The following DIP2A variants were observed in gnomAD, a reference collection of about 807,000 sequenced individuals.
DIP2A encodes DIP2 acetate--CoA ligase A.
In DIP2A, 85 loss-of-function variants were observed where a neutral mutation model predicts 177.4. The observed-to-expected ratio is 0.48, with a 90% CI of 0.40 to 0.57. DIP2A has a LOEUF of 0.57. Among genes scored for constraint, DIP2A ranks in the 20% least tolerant of loss-of-function variants. DIP2A has a pLI of 0.00. For synonymous variants in DIP2A, 886 were observed against 881.8 expected, an observed-to-expected ratio of 1.00 and a Z score of -0.08; for missense variants, 1,791 against 2,100.2, an observed-to-expected ratio of 0.85 and a Z score of 2.88.
At chr21:46,530,668 C>G (rs757036170) in intron 9 of DIP2A, among the ~76,000 whole-genome samples, 1 of 152,166 alleles carries the variant, frequency 6.6e-6, no homozygotes, top group East Asian at 1.9e-4. Context: ...GAAAGGAGAA[C>G]AGAAAGTAGA....
chr21:46,484,833 G>A lies in DIP2A; in HGVS notation c.163+5G>A, dbSNP rs1171260583. On this transcript the variant is annotated splice_donor_5th_base_variant and intron_variant, in intron 2 of 37. Coordinates refer to ENST00000417564, the MANE Select transcript of DIP2A (RefSeq NM_015151.4). ...GTTATATACCGCTTATTCAAGGTAA[G>A]GTCAATACACTCAGGTGTTACATAG... The A allele has an allele frequency of 2.5e-6, 4 of 1,570,486 alleles. No homozygotes were observed. Among genetic ancestry groups the A allele is most frequent in the Non-Finnish European group, 3.4e-6 (4 of 1,159,482 alleles).
intron 1 of DIP2A, among the ~76,000 whole-genome samples, chr21:46,461,526 A>T (rs1006791506): frequency 2.0e-5 from 3 of 152,004 alleles, no homozygotes; most frequent in Non-Finnish European, 4.4e-5. Context: ...TTTGTGTTGT[A>T]GTTGTGTTTG....
At chr21:46,545,767 C>T (rs1403287658) in intron 19 of DIP2A, 114 bp from the exon 20 acceptor site, 2 of 1,244,254 alleles carry the variant, frequency 1.6e-6, no homozygotes, top group African/African-American at 3.0e-5. Flanking sequence ...CCTCCTTTTT[C>T]CCCCTGGCCA....
the DIP2A span, among the ~76,000 whole-genome samples, chr21:46,581,751 C>T: frequency 6.6e-6 from 1 of 152,184 alleles, no homozygotes; most frequent in African/African-American, 2.4e-5. Context: ...ACCTGGATCC[C>T]TCCTGCACCT....
chr21:46,574,897 A>T (rs2060982881), downstream of DIP2A, among the ~76,000 whole-genome samples: 1 of 152,146 alleles, frequency 6.6e-6, no homozygotes, highest in Non-Finnish European at 1.5e-5. Context: ...ACTTTTTCAG[A>T]AAGTTGAGGG....
intron 13 of DIP2A, among the ~76,000 whole-genome samples, chr21:46,535,831 A>G (rs553221142): frequency 6.6e-6 from 1 of 152,218 alleles, no homozygotes; most frequent in East Asian, 1.9e-4. Flanking sequence ...AGTCCCAGCT[A>G]CTCGGGAAGC....
intron 32 of DIP2A, among the ~76,000 whole-genome samples, chr21:46,559,814 G>C (rs1463037803): frequency 6.6e-6 from 1 of 152,202 alleles, no homozygotes; most frequent in Non-Finnish European, 1.5e-5. Context: ...TCACTCTGCT[G>C]CCTCCTTGGC....
At chr21:46,550,070 T>TATACAA in intron 22 of DIP2A, 185 bp downstream of exon 22, 1 of 1,386,200 alleles carries the variant, frequency 7.2e-7, no homozygotes, top group Admixed American at 3.0e-5. Context: ...CAAAGTGATG[T>TATACAA]TATAATTTAT....
At chr21:46,562,118 C>T (rs1392860942) in intron 34 of DIP2A, among the ~76,000 whole-genome samples, 3 of 152,310 alleles carry the variant, frequency 2.0e-5, no homozygotes, top group African/African-American at 2.4e-5. Flanking sequence ...AGGGGGGTTC[C>T]GGCCCACCCA....
intron 8 of DIP2A, among the ~76,000 whole-genome samples, chr21:46,524,770 G>A (rs926709343): frequency 6.6e-6 from 1 of 151,762 alleles, no homozygotes; most frequent in African/African-American, 2.4e-5. Flanking sequence ...AATACCTTGC[G>A]AGAGTTCTCT....
intron 36 of DIP2A, 47 bp from the exon 37 acceptor site, chr21:46,566,513 T>C (rs1256366222): frequency 1.2e-6 from 2 of 1,612,856 alleles, no homozygotes; most frequent in Non-Finnish European, 1.7e-6. Flanking sequence ...GTCCAGACTC[T>C]GCATGCCTTG....
rs142812951 is a variant in DIP2A, at chr21:46,485,740, C to G, written c.163+912C>G. Among the ~76,000 whole-genome samples the G allele has an allele frequency of 6.0e-3, 911 of 152,020 alleles. 6 individuals carry two copies. The highest frequency in any genetic ancestry group is 0.02 in the Middle Eastern group (6 of 294). ...ATCATAAAGAGATTGCAAAGACAAACTACAGAGTGTGAGAAGATAGTTGTA... is the reference window on the plus strand; with the variant it reads ...ATCATAAAGAGATTGCAAAGACAAAGTACAGAGTGTGAGAAGATAGTTGTA... On this transcript the variant is annotated intron_variant, in intron 2 of 37. Transcript: ENST00000417564.
chr21:46,561,763 A>G lies in DIP2A; in HGVS notation c.4047A>G (p.Glu1349=), dbSNP rs781491203. 6.2e-7 allele frequency: 1 copy of G among 1,613,976 alleles called. No individual in the cohort carries two copies. The highest frequency in any genetic ancestry group is 1.1e-5 in the South Asian group (1 of 91,088). The change falls in exon 34 of 38, where the codon GAA becomes GAG. Residue 1349 remains glutamate (E), a synonymous_variant. Coordinates refer to ENST00000417564, the MANE Select transcript of DIP2A (RefSeq NM_015151.4). ...ALRHDRVRLV[E]RGSPHSLPLM... ...TAATTTTTAGGGTTCGTTTGGTAGAACGGGGTTCTCCGCACAGCCTGCCAT... is the reference window on the plus strand; with the variant it reads ...TAATTTTTAGGGTTCGTTTGGTAGAGCGGGGTTCTCCGCACAGCCTGCCAT...
At chr21:46,495,540 T>C (rs2057310381) in intron 3 of DIP2A, among the ~76,000 whole-genome samples, 1 of 152,076 alleles carries the variant, frequency 6.6e-6, no homozygotes, top group African/African-American at 2.4e-5. Context: ...AGTGCTGGGA[T>C]TACAGGCATG....
At position 46,498,109 on chromosome 21, in the gene DIP2A, A is replaced by T. The variant is rs1458956052; in HGVS notation, c.404-473A>T. Among the ~76,000 whole-genome samples, 2 of 152,182 alleles carry T rather than the reference A, an allele frequency of 1.3e-5. No individual in the cohort carries two copies. Among genetic ancestry groups the T allele is most frequent in the Non-Finnish European group, 2.9e-5 (2 of 68,030 alleles). ...GGGCTGCGGTTCTCCCATGGCCACC[A>T]TGTTGTTGCTGGGGCCATGCACAGG... is the stretch of plus-strand genomic sequence containing the variant. On this transcript the variant is annotated intron_variant, in intron 4 of 37. Coordinates refer to ENST00000417564, the MANE Select transcript of DIP2A (RefSeq NM_015151.4). This position sits in a 1 kb window ranked among gnomAD's most constrained non-coding sequence, Gnocchi z 4.3.
At chr21:46,540,072 G>C in intron 17 of DIP2A, 81 bp downstream of exon 17, 1 of 1,225,224 alleles carries the variant, frequency 8.2e-7, no homozygotes, top group South Asian at 1.3e-5. Context: ...AGCTGTGCCT[G>C]TGCCTGTTAG....
rs1234896354 is a variant in DIP2A at position 46,490,611 on chromosome 21, T to G, written c.175T>G (p.Ser59Ala). 6.4e-7 allele frequency: 1 copy of G among 1,568,742 alleles called. No individual in the cohort carries two copies. The highest frequency in any genetic ancestry group is 8.6e-7 in the Non-Finnish European group (1 of 1,156,706). ...AAATTGTGTTTCAGGAATAGACCCATCTCTGCAAGCAGAGAATAGAATTCC... is the reference window on the plus strand; with the variant it reads ...AAATTGTGTTTCAGGAATAGACCCAGCTCTGCAAGCAGAGAATAGAATTCC... ...YIPLIQGIDP[S>A]LQAENRIPGP... The change falls in exon 3 of 38, where the codon TCT (serine) becomes GCT (alanine). Residue 59 changes from serine to alanine, a missense_variant. Ser to Ala is a moderately conservative substitution (Grantham distance 99). Coordinates refer to ENST00000417564, the MANE Select transcript of DIP2A (RefSeq NM_015151.4).
In DIP2A at chr21:46,509,388, C is replaced by G. The variant is rs748034990; in HGVS notation, c.904+12C>G. The G allele has an allele frequency of 6.3e-7, 1 of 1,599,350 alleles. No homozygotes were observed. ...GGAATTGTTGGAAGGTAAGAGTTGT[C>G]CAACTTTGAGCTTTTCTGTTTGTAT... On this transcript the variant is annotated intron_variant, in intron 7 of 37. Coordinates refer to ENST00000417564, the MANE Select transcript of DIP2A (RefSeq NM_015151.4).
At chr21:46,461,487 C>T (rs1322581379) in intron 1 of DIP2A, among the ~76,000 whole-genome samples, 1 of 152,052 alleles carries the variant, frequency 6.6e-6, no homozygotes, top group Non-Finnish European at 1.5e-5. Context: ...CTAATTTCTG[C>T]TCCAATGTAT....
Sources: gnomAD v4.1 joint callset for allele counts (sites outside exome capture counted in the v4.1 genomes callset) on GRCh38, gnomAD v4.1.1 for gene constraint, Gnocchi (gnomAD v3.1) non-coding constraint, MANE v1.5 for transcripts, NCBI Gene and HGNC (gene_info 2026-07-23, HGNC 2026-07-21) for gene names.